Variants in ELOVL7 observed in about 807,000 individuals in gnomAD.
ELOVL7 encodes very long chain fatty acid elongase 7.
A neutral mutation model predicts 35.7 loss-of-function variants in ELOVL7; 27 were observed. That is an observed-to-expected ratio of 0.76 (90% CI 0.56 to 1.04). ELOVL7 has a LOEUF of 1.04. Among genes scored for constraint, ELOVL7 ranks in the 50% least tolerant of loss-of-function variants. The pLI is 0.00. For missense variants in ELOVL7, 327 were observed against 340.8 expected (o/e 0.96, Z 0.32); for synonymous variants, 113 against 114.6 (o/e 0.99, Z 0.09).
intron 1 of ELOVL7, among the ~76,000 whole-genome samples, chr5:60,837,500 G>T (rs187843063): frequency 3.9e-5 from 6 of 152,198 alleles, no homozygotes; most frequent in African/African-American, 1.4e-4. Flanking sequence ...ATGCCTAAAA[G>T]ATGACAAACC....
chr5:60,771,724 T>G (rs1426696326), intron 4 of ELOVL7, among the ~76,000 whole-genome samples, 179 bp downstream of exon 4: 3 of 152,256 alleles, frequency 2.0e-5, no homozygotes, highest in African/African-American at 7.2e-5. Context: ...ACTGAGATCC[T>G]CAAATGAGTT....
rs1225449225 is a variant in ELOVL7, at chr5:60,817,830, A to ATGTG, written c.-85-18604_-85-18601dup. On this transcript the variant is annotated intron_variant, in intron 1 of 8. Coordinates refer to ENST00000508821, the MANE Select transcript of ELOVL7 (RefSeq NM_024930.3). ...CATATATATGTGTGTGTGTATATAT[A>ATGTG]TGTGTGTGTGTGTGTGTGTATATAT... is the stretch of plus-strand genomic sequence containing the variant. Among the ~76,000 whole-genome samples, 151 of 145,214 alleles carry ATGTG rather than the reference A, an allele frequency of 1.0e-3. 1 individual carries two copies. Among genetic ancestry groups the ATGTG allele is most frequent in the Middle Eastern group, 3.7e-3 (1 of 270 alleles).
chr5:60,754,755 CAA>C lies in ELOVL7; in HGVS notation c.713_714del (p.Phe238CysfsTer43). The C allele has an allele frequency of 1.2e-6, 2 of 1,614,006 alleles. No homozygotes were observed. Among genetic ancestry groups the C allele is most frequent in the South Asian group, 1.1e-5 (1 of 91,068 alleles). ...MEDCKYQFPV[F>X]ACIIMSYSFM... ...AAACTGTAACTCATAATGATGCACG[CAA>C]AGACTGGAAACTGATACTTGCAATC... On this transcript the variant is annotated frameshift_variant, in exon 9 of 9. Transcript: ENST00000508821. LOFTEE classifies it high-confidence loss of function.
rs969126358 is a variant in ELOVL7 at position 60,752,251 on chromosome 5, C to G, written c.*2373G>C. Reference sequence around the variant, plus strand: ...GTTGATGTTTCTATGGAGGATACTTCTAGCAGCTGTGATTTCTTTTGTAGC... The same window carrying G: ...GTTGATGTTTCTATGGAGGATACTTGTAGCAGCTGTGATTTCTTTTGTAGC... On this transcript the variant is annotated 3_prime_UTR_variant, in exon 9 of 9. Coordinates refer to ENST00000508821, the MANE Select transcript of ELOVL7 (RefSeq NM_024930.3). 1 of 152,544 alleles carries G rather than the reference C, an allele frequency of 6.6e-6. No individual in the cohort carries two copies. Among genetic ancestry groups the G allele is most frequent in the African/African-American group, 2.4e-5 (1 of 41,452 alleles). The allele number at this position is 152,544 out of a possible 1,614,324, so 9.4% of individuals were successfully genotyped here.
intron 1 of ELOVL7, among the ~76,000 whole-genome samples, chr5:60,803,589 T>C (rs1744764783): frequency 6.6e-6 from 1 of 152,202 alleles, no homozygotes; most frequent in Non-Finnish European, 1.5e-5. Context: ...TCTTGTGCCA[T>C]TGTCTCTCTG....
intron 1 of ELOVL7, among the ~76,000 whole-genome samples, chr5:60,837,109 T>TCAAAGGATTCATTAGAAAATA (rs1317208469): frequency 6.6e-6 from 1 of 151,530 alleles, no homozygotes. Flanking sequence ...TTTGCTGGCT[T>TCAAAGGATTCATTAGAAAATA]CAAAGGATTC....
chr5:60,784,133 A>G lies in ELOVL7; in HGVS notation c.64+3201T>C, dbSNP rs753163528. 2.2e-5 allele frequency: 33 copies of G among 1,519,598 alleles called. No individual in the cohort carries two copies. In the South Asian group the frequency reaches 3.9e-4, roughly 18 times the overall value. 94.1% of individuals were successfully genotyped at this position (1,519,598 alleles called of 1,614,324 possible). A position where few individuals can be genotyped will look rare whatever the true frequency, so the allele number is the denominator to read the frequency against. On this transcript the variant is annotated intron_variant, in intron 3 of 8. Coordinates refer to ENST00000508821, the MANE Select transcript of ELOVL7 (RefSeq NM_024930.3). ...GGCTTTTCCATCAGCTGCTTCTAAG[A>G]GAGTATTCTCTTCTTAAGTAGCAGG...
At chr5:60,819,244 CTT>C (rs1020619623) in intron 1 of ELOVL7, among the ~76,000 whole-genome samples, 17 of 151,930 alleles carry the variant, frequency 1.1e-4, no homozygotes, top group Non-Finnish European at 2.2e-4. Context: ...AGCATAGACT[CTT>C]TTAAAAAAGC....
At chr5:60,834,727 T>C (rs541672074) in intron 1 of ELOVL7, among the ~76,000 whole-genome samples, 1 of 152,292 alleles carries the variant, frequency 6.6e-6, no homozygotes, top group East Asian at 1.9e-4. Flanking sequence ...TACTACACTA[T>C]AGCGTAAACT....
At chr5:60,795,326 C>T (rs1744186138) in intron 2 of ELOVL7, among the ~76,000 whole-genome samples, 1 of 152,096 alleles carries the variant, frequency 6.6e-6, no homozygotes, top group Admixed American at 6.5e-5. Context: ...AAACACGGGG[C>T]TTGTAACTCA....
In ELOVL7 at chr5:60,832,581, G is replaced by GTCTTGACC. The variant is rs1219302278; in HGVS notation, c.-86+11571_-86+11578dup. Among the ~76,000 whole-genome samples the GTCTTGACC allele has an allele frequency of 2.4e-4, 37 of 152,256 alleles. 1 individual carries two copies. The East Asian group carries it at 7.0e-3, about 29-fold the overall frequency. ...GAGTTTCACCATGCTGGCCAGGATG[G>GTCTTGACC]TCTTGACCTCTTGACCTTGTGATCT... On this transcript the variant is annotated intron_variant, in intron 1 of 8. Coordinates refer to ENST00000508821, the MANE Select transcript of ELOVL7 (RefSeq NM_024930.3).
chr5:60,796,624 G>A (rs899523958), intron 2 of ELOVL7, among the ~76,000 whole-genome samples: 12 of 152,214 alleles, frequency 7.9e-5, no homozygotes, highest in Admixed American at 2.0e-4. Context: ...TTGCTTCAGC[G>A]TAATCACTTT....
rs1007303300 is a variant in ELOVL7, at chr5:60,753,741, A to T, written c.*883T>A. 1 of 152,236 alleles carries T rather than the reference A, an allele frequency of 6.6e-6. No homozygotes were observed. Among genetic ancestry groups the T allele is most frequent in the African/African-American group, 2.4e-5 (1 of 41,462 alleles). The allele number at this position is 152,236 out of a possible 1,614,324, so 9.4% of individuals were successfully genotyped here. On this transcript the variant is annotated 3_prime_UTR_variant, in exon 9 of 9. Transcript: ENST00000508821. ...CACCAAGATAATAATTTAAACCATG[A>T]CAATGTAAGAAAGTGATGTGATACT...
chr5:60,779,430 C>T (rs571551890), intron 3 of ELOVL7, among the ~76,000 whole-genome samples: 100 of 152,294 alleles, frequency 6.6e-4, no homozygotes, highest in African/African-American at 2.2e-3. Flanking sequence ...GTAGAGGTTC[C>T]CAAACCTCAA....
At chr5:60,833,018 G>A (rs1398958658) in intron 1 of ELOVL7, among the ~76,000 whole-genome samples, 1 of 152,164 alleles carries the variant, frequency 6.6e-6, no homozygotes, top group Non-Finnish European at 1.5e-5. Context: ...CATGGGGGAA[G>A]CATAATCCTC....
intron 7 of ELOVL7, 24 bp downstream of exon 7, chr5:60,764,203 T>A: frequency 6.6e-7 from 1 of 1,507,622 alleles, no homozygotes; most frequent in Non-Finnish European, 9.2e-7. Context: ...TTATAACACA[T>A]GATCCCAAAT....
At chr5:60,810,736 T>G (rs529701845) in intron 1 of ELOVL7, among the ~76,000 whole-genome samples, 1 of 152,342 alleles carries the variant, frequency 6.6e-6, no homozygotes, top group African/African-American at 2.4e-5. Context: ...TTGGGAGTCA[T>G]TATACTGCAT....
At chr5:60,755,947 T>C (rs1470677535) in intron 8 of ELOVL7, among the ~76,000 whole-genome samples, 2 of 152,208 alleles carry the variant, frequency 1.3e-5, no homozygotes, top group Admixed American at 6.5e-5. Flanking sequence ...GATTTTCATA[T>C]AGTTTATTTT....
intron 1 of ELOVL7, among the ~76,000 whole-genome samples, chr5:60,805,501 T>G (rs900106576): frequency 6.6e-6 from 1 of 152,156 alleles, no homozygotes; most frequent in African/African-American, 2.4e-5. Context: ...CATTACAGGT[T>G]TCTCAACTGA....
Sources: allele counts gnomAD v4.1 joint callset (sites outside exome capture counted in the v4.1 genomes callset), GRCh38; gene constraint gnomAD v4.1.1; transcripts MANE v1.5; gene names NCBI Gene and HGNC (gene_info 2026-07-23, HGNC 2026-07-21).